The following C8B variants were observed in gnomAD, a reference collection of about 807,000 sequenced individuals.
C8B encodes the protein complement C8 beta chain.
C8B carries 67 observed loss-of-function variants against 64.6 expected under a neutral mutation model. The ratio of observed to expected loss-of-function variants is 1.04; its 90% CI spans 0.85 to 1.27. The LOEUF (loss-of-function observed/expected upper bound fraction) is 1.27, where lower values mean the gene tolerates loss of function less well. Among genes scored for constraint, C8B ranks in the 50% most tolerant of loss-of-function variants. C8B has a pLI of 0.00. For missense variants in C8B, 790 were observed against 725.2 expected, an observed-to-expected ratio of 1.09 and a Z score of -1.03; for synonymous variants, 284 against 257.7, an observed-to-expected ratio of 1.10 and a Z score of -0.98.
chr1:56,933,510 T>G, intron 9 of C8B, 22 bp from the exon 10 acceptor site: 1 of 1,607,694 alleles, frequency 6.2e-7, no homozygotes, highest in South Asian at 1.1e-5. Context: ...AAAGGGCATT[T>G]ATTTCAAGAG....
At position 56,954,828 on chromosome 1, in the gene C8B, C is replaced by T. The variant is rs1358139180; in HGVS notation, c.392-1G>A. 1 of 1,614,080 alleles carries T rather than the reference C, an allele frequency of 6.2e-7. No individual in the cohort carries two copies. The highest frequency in any genetic ancestry group is 8.5e-7 in the Non-Finnish European group (1 of 1,179,950). On this transcript the variant is annotated splice_acceptor_variant, in intron 3 of 11. Coordinates refer to ENST00000371237, the MANE Select transcript of C8B (RefSeq NM_000066.4). LOFTEE classifies it high-confidence loss of function. The stretch of plus-strand genomic sequence containing the variant: ...AGAAGTCTGCGGTTTACACACCTTC[C>T]TAGAATGGAGAAAGAGTATTACCCA...
rs570895689 is a variant in C8B at position 56,933,000 on chromosome 1, C to T, written c.1552+335G>A. ...AAGTTCTAGTGGCCCATCCTTGCTG[C>T]TACCCCCAAATCTTCTTATTATGTA... On this transcript the variant is annotated intron_variant, in intron 10 of 11. Transcript: ENST00000371237. Among the ~76,000 whole-genome samples the T allele has an allele frequency of 5.1e-4, 78 of 152,296 alleles. 1 individual carries two copies. The highest frequency in any genetic ancestry group is 1.7e-3 in the African/African-American group (69 of 41,556).
rs768010940 is a variant in C8B, at chr1:56,956,839, G to A, written c.321C>T (p.Val107=). 24 of 1,613,844 alleles carry A rather than the reference G, an allele frequency of 1.5e-5. No individual in the cohort carries two copies. The East Asian group carries it at 2.7e-4, about 18-fold the overall frequency. ...GEPCNFSDKE[V]EDCVTNRPCG... Reference sequence around the variant, plus strand: ...ATGGTCTGTTGGTAACACAGTCTTCGACTTCCTTGTCAGAGAAGTTGCACG... The same window carrying A: ...ATGGTCTGTTGGTAACACAGTCTTCAACTTCCTTGTCAGAGAAGTTGCACG... Residue 107 remains valine (V), a synonymous_variant, in exon 3 of 12, where the codon GTC becomes GTT. Transcript: ENST00000371237.
At chr1:56,945,081 C>G (rs1271218749) in intron 7 of C8B, among the ~76,000 whole-genome samples, 2 of 152,120 alleles carry the variant, frequency 1.3e-5, no homozygotes, top group Non-Finnish European at 2.9e-5. Flanking sequence ...TATTGGCCAG[C>G]AGCATCAGGG....
At chr1:56,954,545 G>A in intron 4 of C8B, 141 bp downstream of exon 4, 1 of 1,150,574 alleles carries the variant, frequency 8.7e-7, no homozygotes, top group Non-Finnish European at 1.3e-6. Context: ...AGAGCAACCG[G>A]AAGTGTTACT....
rs1338938930 is a variant in C8B at position 56,929,308 on chromosome 1, A to G, written c.*96T>C. On this transcript the variant is annotated 3_prime_UTR_variant, in exon 12 of 12. Coordinates refer to ENST00000371237, the MANE Select transcript of C8B (RefSeq NM_000066.4). ...GCATGGCACTGCCTTTTGCCCTTGCATGAACTCCAGGTGGAAACTGGTGTA... is the reference window on the plus strand; with the variant it reads ...GCATGGCACTGCCTTTTGCCCTTGCGTGAACTCCAGGTGGAAACTGGTGTA... 4.5e-6 allele frequency: 6 copies of G among 1,333,510 alleles called. No homozygotes were observed. Among genetic ancestry groups the G allele is most frequent in the Non-Finnish European group, 6.5e-6 (6 of 926,282 alleles). 82.6% of individuals were successfully genotyped at this position (1,333,510 alleles called of 1,614,324 possible). A position where few individuals can be genotyped will look rare whatever the true frequency, so the allele number is the denominator to read the frequency against.
At chr1:56,951,165 C>A (rs999246130) in intron 5 of C8B, among the ~76,000 whole-genome samples, 2 of 152,124 alleles carry the variant, frequency 1.3e-5, no homozygotes, top group Non-Finnish European at 2.9e-5. Context: ...GTAGCCTCAA[C>A]CTCCTGGGCT....
Position 56,952,891 on chromosome 1 carries a change from T to A in C8B, c.534-711A>T, listed in dbSNP as rs192990680. On this transcript the variant is annotated intron_variant, in intron 4 of 11. Transcript: ENST00000371237. ...CCTTAAAACACTACTTGGTCCGCGA[T>A]AAATGTGCTATTTATGTATTTGTCA... 2.1e-3 allele frequency among the ~76,000 whole-genome samples: 318 copies of A among 152,360 alleles called. 1 individual carries two copies. Among genetic ancestry groups the A allele is most frequent in the African/African-American group, 7.3e-3 (305 of 41,584 alleles).
chr1:56,939,578 G>A (rs1465927734), intron 9 of C8B, among the ~76,000 whole-genome samples: 3 of 152,146 alleles, frequency 2.0e-5, no homozygotes, highest in African/African-American at 4.8e-5. Flanking sequence ...GTGTTAAGAC[G>A]TGCTATGGGC....
intron 11 of C8B, 183 bp downstream of exon 11, chr1:56,931,627 T>C: frequency 1.7e-6 from 1 of 591,234 alleles, no homozygotes; most frequent in Non-Finnish European, 3.1e-6. Context: ...AATAATGAAA[T>C]GCATAACAAT....
intron 1 of C8B, among the ~76,000 whole-genome samples, chr1:56,961,179 G>T (rs1473080024): frequency 6.6e-6 from 1 of 152,168 alleles, no homozygotes; most frequent in African/African-American, 2.4e-5. Flanking sequence ...AATATGAAGT[G>T]TGTATGATGA....
rs1413042037 is a variant in C8B, at chr1:56,954,818, A to G, written c.401T>C (p.Val134Ala). Residue 134 changes from valine (V) to alanine (A), a missense_variant, in exon 4 of 12, where the codon GTA becomes GCA. Coordinates refer to ENST00000371237, the MANE Select transcript of C8B (RefSeq NM_000066.4). Reference sequence around the variant, plus strand: ...CCCATTGCAAAGAAGTCTGCGGTTTACACACCTTCCTAGAATGGAGAAAGA... The same window carrying G: ...CCCATTGCAAAGAAGTCTGCGGTTTGCACACCTTCCTAGAATGGAGAAAGA... The part of the protein sequence containing the change: ...GFVCAQTGRC[V>A]NRRLLCNGDN... 1 of 1,614,142 alleles carries G rather than the reference A, an allele frequency of 6.2e-7. No homozygotes were observed. Among genetic ancestry groups the G allele is most frequent in the Admixed American group, 1.7e-5 (1 of 60,018 alleles).
Position 56,929,569 on chromosome 1 carries a change from G to T in C8B, c.1622-11C>A, listed in dbSNP as rs201793098. 5.0e-6 allele frequency: 8 copies of T among 1,613,204 alleles called. No individual in the cohort carries two copies. The East Asian group carries it at 1.6e-4, about 31-fold the overall frequency. ...CATCAATGGGGGTATCTATAAGAAA[G>T]AAGGTCAATAAGCATCAATCAGCAC... On this transcript the variant is annotated splice_polypyrimidine_tract_variant and intron_variant, in intron 11 of 11. Transcript: ENST00000371237.
intron 9 of C8B, 38 bp downstream of exon 9, chr1:56,940,811 T>A (rs1260099821): frequency 6.2e-7 from 1 of 1,613,592 alleles, no homozygotes; most frequent in East Asian, 2.2e-5. Context: ...AGCTATTTTC[T>A]GGGTGGAGGA....
intron 9 of C8B, among the ~76,000 whole-genome samples, chr1:56,939,419 T>C (rs1337807829): frequency 2.0e-5 from 3 of 152,194 alleles, no homozygotes; most frequent in Non-Finnish European, 4.4e-5. Flanking sequence ...GTATTTGTCA[T>C]GCAAATAAAG....
intron 11 of C8B, among the ~76,000 whole-genome samples, chr1:56,931,351 A>C (rs1644698177): frequency 6.6e-6 from 1 of 152,210 alleles, no homozygotes; most frequent in African/African-American, 2.4e-5. Flanking sequence ...AGTTAGATAG[A>C]TACATCAACC....
intron 2 of C8B, among the ~76,000 whole-genome samples, chr1:56,958,066 C>T (rs775234318): frequency 1.3e-5 from 2 of 152,058 alleles, no homozygotes; most frequent in African/African-American, 2.4e-5. Context: ...TAAAAAGATT[C>T]ATTGTGGCTG....
chr1:56,953,390 T>C lies in C8B; in HGVS notation c.534-1210A>G, dbSNP rs187595411. 4.6e-5 allele frequency among the ~76,000 whole-genome samples: 7 copies of C among 152,336 alleles called. No homozygotes were observed. The East Asian group carries it at 9.6e-4, about 21-fold the overall frequency. On this transcript the variant is annotated intron_variant, in intron 4 of 11. Transcript: ENST00000371237. ...TGGTGCTGACTTTGTGGAGGCATCA[T>C]CCTAATCAATTTACACACAATGGCT... is the stretch of plus-strand genomic sequence containing the variant.
intron 9 of C8B, among the ~76,000 whole-genome samples, chr1:56,939,184 G>A (rs1364117820): frequency 6.6e-6 from 1 of 152,198 alleles, no homozygotes; most frequent in African/African-American, 2.4e-5. Context: ...AAGAGATAAA[G>A]GCTAGGGATC....
Sources: gnomAD v4.1 joint callset for allele counts (sites outside exome capture counted in the v4.1 genomes callset) on GRCh38, gnomAD v4.1.1 for gene constraint, MANE v1.5 for transcripts, NCBI Gene and HGNC (gene_info 2026-07-23, HGNC 2026-07-21) for gene names.